Variants in RIF1 observed in about 807,000 individuals in gnomAD.
The protein encoded by RIF1 is replication timing regulatory factor 1.
A neutral mutation model predicts 247.1 loss-of-function variants in RIF1; 45 were observed. That is an observed-to-expected ratio of 0.18 (90% CI 0.14 to 0.23). RIF1 has a LOEUF of 0.23. Among genes scored for constraint, RIF1 ranks in the 10% least tolerant of loss-of-function variants. The pLI is 1.00. For missense variants in RIF1, 2,967 were observed against 2,862.5 expected, an observed-to-expected ratio of 1.04 and a Z score of -0.83; for synonymous variants, 1,087 against 978.8, an observed-to-expected ratio of 1.11 and a Z score of -2.06.
intron 24 of RIF1, among the ~76,000 whole-genome samples, chr2:151,458,264 A>T (rs1000286542): frequency 4.1e-5 from 5 of 122,188 alleles, no homozygotes; most frequent in African/African-American, 1.6e-4. Context: ...ATAGAGTCTC[A>T]CTCTGTCGCC....
the RIF1 span, chr2:151,529,268 A>G: frequency 3.1e-5 from 50 of 1,613,602 alleles, no homozygotes; most frequent in Middle Eastern, 1.6e-4. Flanking sequence ...ATCTGGCTCA[A>G]TGGTGCAGTT....
the RIF1 span, chr2:151,514,724 G>A: frequency 1.1e-6 from 1 of 882,644 alleles, no homozygotes; most frequent in Non-Finnish European, 1.7e-6. Flanking sequence ...CCACAGTTAG[G>A]TGGTGATGTA....
chr2:151,473,758 T>A (rs2048759931), intron 34 of RIF1, among the ~76,000 whole-genome samples: 1 of 152,164 alleles, frequency 6.6e-6, no homozygotes, highest in Non-Finnish European at 1.5e-5. Flanking sequence ...TCTAACCCTC[T>A]CTTTGAGGAA....
chr2:151,485,965 A>G (rs796213500), downstream of RIF1: 9 of 1,606,576 alleles, frequency 5.6e-6, no homozygotes, highest in African/African-American at 1.1e-4. Context: ...GGGAAATATT[A>G]TATGTTGGAT....
chr2:151,455,045 A>G lies in RIF1; in HGVS notation c.2495A>G (p.Asn832Ser), dbSNP rs373042016. 1.2e-5 allele frequency: 20 copies of G among 1,613,738 alleles called. No homozygotes were observed. The highest frequency in any genetic ancestry group is 1.6e-4 in the Middle Eastern group (1 of 6,080). The change falls in exon 22 of 36, where the codon AAC (asparagine) becomes AGC (serine). Residue 832 changes from asparagine to serine, a missense_variant. Asn to Ser is a conservative substitution (Grantham distance 46). Coordinates refer to ENST00000444746, the MANE Select transcript of RIF1 (RefSeq NM_018151.5). ...AHSDTLFTIGNSITGIISSVL... is the reference protein window; with the variant it reads ...AHSDTLFTIGSSITGIISSVL... ...TCTGATACCCTCTTCACTATTGGCAACTCAATCACCGGCATTATTTCCAGT... is the reference window on the plus strand; with the variant it reads ...TCTGATACCCTCTTCACTATTGGCAGCTCAATCACCGGCATTATTTCCAGT...
In RIF1 at chr2:151,463,301, T is replaced by C; in HGVS notation, c.3781T>C (p.Phe1261Leu). 1.2e-6 allele frequency: 2 copies of C among 1,612,822 alleles called. No homozygotes were observed. Among genetic ancestry groups the C allele is most frequent in the Non-Finnish European group, 1.7e-6 (2 of 1,179,700 alleles). The change falls in exon 30 of 36, where the codon TTT (phenylalanine) becomes CTT (leucine). Residue 1261 changes from phenylalanine to leucine, a missense_variant. By Grantham distance (22) the Phe-to-Leu change is conservative. Around this residue, in one of 7 missense-constraint regions of RIF1, gnomAD observed 2,028 missense variants for 1,825.6 expected, o/e 1.11. Transcript: ENST00000444746. Reference sequence around the variant, plus strand: ...CCAGGAAACCATGATTAAAACAGATTTTCTACCAAAAGCAAAGCAAAGAGA... The same window carrying C: ...CCAGGAAACCATGATTAAAACAGATCTTCTACCAAAAGCAAAGCAAAGAGA... The part of the protein sequence containing the change: ...NNQETMIKTD[F>L]LPKAKQREGT...
intron 13 of RIF1, chr2:151,506,889 A>AAAAT (rs1243225003): frequency 1.3e-6 from 2 of 1,511,782 alleles, no homozygotes; most frequent in African/African-American, 2.8e-5. Context: ...CATTAAATGC[A>AAAAT]AAATAAATAG....
In RIF1 at chr2:151,464,745, A is replaced by G; in HGVS notation, c.5225A>G (p.Gln1742Arg). Reference sequence around the variant, plus strand: ...TGCTGTGGGGAAAAATCACAACCTCAGGAAAAGTCACTCATTGGGTTAAAG... The same window carrying G: ...TGCTGTGGGGAAAAATCACAACCTCGGGAAAAGTCACTCATTGGGTTAAAG... ...CDCCGEKSQP[Q>R]EKSLIGLKNT... is the part of the protein sequence containing the mutation. The change falls in exon 30 of 36, where the codon CAG (glutamine) becomes CGG (arginine). Residue 1742 changes from glutamine to arginine, a missense_variant. Gln to Arg is a conservative substitution (Grantham distance 43). Transcript: ENST00000444746. 6.2e-7 allele frequency: 1 copy of G among 1,613,770 alleles called. No homozygotes were observed. Among genetic ancestry groups the G allele is most frequent in the Non-Finnish European group, 8.5e-7 (1 of 1,179,890 alleles).
At chr2:151,524,307 T>C in the RIF1 span, 13 of 1,612,636 alleles carry the variant, frequency 8.1e-6, no homozygotes, top group Non-Finnish European at 9.3e-6. Context: ...CCCATCTGCA[T>C]TACCTGGCTG....
the RIF1 span, chr2:151,514,397 A>G: frequency 2.7e-5 from 43 of 1,613,492 alleles, no homozygotes; most frequent in South Asian, 2.7e-4. Context: ...CTTCCCACGG[A>G]TGCTTTCCTC....
chr2:151,464,654 A>T lies in RIF1; in HGVS notation c.5134A>T (p.Thr1712Ser). 6.2e-7 allele frequency: 1 copy of T among 1,613,294 alleles called. No individual in the cohort carries two copies. The change falls in exon 30 of 36, where the codon ACT becomes TCT. Residue 1712 changes from threonine to serine, a missense_variant. Coordinates refer to ENST00000444746, the MANE Select transcript of RIF1 (RefSeq NM_018151.5). ...AGATATTTCTTCGCTTTCAGAAAAAACTTTTCAAACACTTGAATGCCAACA... is the reference window on the plus strand; with the variant it reads ...AGATATTTCTTCGCTTTCAGAAAAATCTTTTCAAACACTTGAATGCCAACA... ...ISDISSLSEKTFQTLECQHKR... is the reference protein window; with the variant it reads ...ISDISSLSEKSFQTLECQHKR...
chr2:151,497,573 A>AAAG (rs371857325), intron 10 of RIF1: 1 of 1,535,798 alleles, frequency 6.5e-7, no homozygotes, highest in Admixed American at 2.0e-5. Context: ...TTAAATCATG[A>AAAG]AAGTTTTCAA....
At chr2:151,513,721 AG>A in the RIF1 span, 1 of 1,458,728 alleles carries the variant, frequency 6.9e-7, no homozygotes, top group Non-Finnish European at 9.4e-7. Context: ...GAAAAAAAAA[AG>A]GTACCTAAAT....
downstream of RIF1, among the ~76,000 whole-genome samples, chr2:151,485,067 C>G (rs1251470168): frequency 1.3e-5 from 2 of 152,198 alleles, no homozygotes; most frequent in Non-Finnish European, 2.9e-5. Flanking sequence ...CTCCCTTTGC[C>G]TTTGCCACAT....
intron 15 of RIF1, among the ~76,000 whole-genome samples, chr2:151,441,391 A>G (rs1447969570): frequency 5.9e-5 from 9 of 152,222 alleles, no homozygotes. Context: ...AAACATAGAA[A>G]TAGCCCCAAG....
At chr2:151,494,119 A>C in intron 9 of RIF1, 2 of 1,501,280 alleles carry the variant, frequency 1.3e-6, no homozygotes, top group Non-Finnish European at 1.8e-6. Context: ...TGCAAGAGTT[A>C]TTTTGCAAAA....
chr2:151,521,864 C>T, the RIF1 span, among the ~76,000 whole-genome samples: 1 of 152,116 alleles, frequency 6.6e-6, no homozygotes, highest in Non-Finnish European at 1.5e-5. Context: ...TTTGGCCTTC[C>T]TTTTTGACTG....
the RIF1 span, chr2:151,531,912 G>T: frequency 6.6e-7 from 1 of 1,523,748 alleles, no homozygotes. Flanking sequence ...TTGTGGAAGA[G>T]AAGAAAGAGC....
intron 27 of RIF1, among the ~76,000 whole-genome samples, chr2:151,461,596 G>C (rs1696172070): frequency 1.3e-5 from 2 of 151,926 alleles, no homozygotes; most frequent in Admixed American, 1.3e-4. Flanking sequence ...GTTTCACCAT[G>C]TTAGCCAGGA....
Sources: gnomAD v4.1 joint callset for allele counts (sites outside exome capture counted in the v4.1 genomes callset) on GRCh38, gnomAD v4.1.1 for gene constraint, gnomAD v4.1.1 regional missense constraint, MANE v1.5 for transcripts, NCBI Gene and HGNC (gene_info 2026-07-23, HGNC 2026-07-21) for gene names.